MS4A2: variants seen among roughly 807,000 people sequenced by gnomAD.
MS4A2 encodes membrane spanning 4-domains A2.
In MS4A2, 26 loss-of-function variants were observed where a neutral mutation model predicts 27.9. The ratio of observed to expected loss-of-function variants is 0.93; its 90% confidence interval spans 0.68 to 1.29. The LOEUF is 1.29. Ranked by LOEUF, MS4A2 falls within the 50% of genes most tolerant of loss-of-function variation. The pLI, the probability that MS4A2 is intolerant of heterozygous loss-of-function variation, is 0.00. For missense variants in MS4A2, 284 were observed against 284.6 expected (o/e 1.00, Z 0.01); for synonymous variants, 110 against 98.8 (o/e 1.11, Z -0.67).
chr11:60,092,032 T>C (rs1855768151), intron 3 of MS4A2, among the ~76,000 whole-genome samples: 1 of 152,206 alleles, frequency 6.6e-6, no homozygotes, highest in Non-Finnish European at 1.5e-5. Flanking sequence ...TCTGGAAATA[T>C]GCATGCCACA....
At position 60,091,455 on chromosome 11, in the gene MS4A2, C is replaced by A. The variant is rs146547761; in HGVS notation, c.321+985C>A. On this transcript the variant is annotated intron_variant, in intron 3 of 6. Coordinates refer to ENST00000278888, the MANE Select transcript of MS4A2 (RefSeq NM_000139.5). ...ACATAGACACACATGAAAACATCAC[C>A]ACATTAATACAATGTATGTATCCAT... Among the ~76,000 whole-genome samples, 3 of 152,246 alleles carry A rather than the reference C, an allele frequency of 2.0e-5. No individual in the cohort carries two copies. The East Asian group carries it at 5.8e-4, about 29-fold the overall frequency.
intron 6 of MS4A2, among the ~76,000 whole-genome samples, chr11:60,095,023 A>G (rs1347306810): frequency 1.3e-5 from 2 of 152,010 alleles, no homozygotes; most frequent in African/African-American, 4.8e-5. Flanking sequence ...GCACATTGGG[A>G]GGCCAAAGCT....
chr11:60,091,563 T>A (rs1855758606), intron 3 of MS4A2, among the ~76,000 whole-genome samples: 1 of 152,210 alleles, frequency 6.6e-6, no homozygotes, highest in Non-Finnish European at 1.5e-5. Context: ...AAGAAAACAT[T>A]GATCTGCTTT....
rs759071889 is a variant in MS4A2, at chr11:60,088,839, T to C, written c.56+18T>C. 2.2e-5 allele frequency: 36 copies of C among 1,603,174 alleles called. No individual in the cohort carries two copies. Among genetic ancestry groups the C allele is most frequent in the Non-Finnish European group, 3.0e-5 (35 of 1,173,236 alleles). On this transcript the variant is annotated intron_variant, in intron 1 of 6. Coordinates refer to ENST00000278888, the MANE Select transcript of MS4A2 (RefSeq NM_000139.5). ...CCTTCCAGGTAGGTACAAGGTATTATTTTTTTCTACCCTCAGTCACTTAGT... is the reference window on the plus strand; with the variant it reads ...CCTTCCAGGTAGGTACAAGGTATTACTTTTTTCTACCCTCAGTCACTTAGT...
intron 1 of MS4A2, among the ~76,000 whole-genome samples, 159 bp downstream of exon 1, chr11:60,088,980 A>G (rs1822845610): frequency 6.6e-6 from 1 of 152,164 alleles, no homozygotes; most frequent in Non-Finnish European, 1.5e-5. Flanking sequence ...TGTACTTTCC[A>G]TGTGGTTCTC....
At chr11:60,090,156 A>G (rs968644773) in intron 2 of MS4A2, among the ~76,000 whole-genome samples, 180 bp from the exon 3 acceptor site, 2 of 152,204 alleles carry the variant, frequency 1.3e-5, no homozygotes, top group Admixed American at 1.3e-4. Context: ...TGCATTAGGT[A>G]GTGCTTGTAT....
chr11:60,095,855 C>T lies in MS4A2; in HGVS notation c.*199C>T. The T allele has an allele frequency of 1.7e-6, 1 of 585,784 alleles. No individual in the cohort carries two copies. Among genetic ancestry groups the T allele is most frequent in the South Asian group, 2.0e-5 (1 of 50,244 alleles). 36.3% of individuals were successfully genotyped at this position (585,784 alleles called of 1,614,324 possible). A position where few individuals can be genotyped will look rare whatever the true frequency, so the allele number is the denominator to read the frequency against. ...TCCTTCTATTTGTAGATATGATAGA[C>T]TCCTATTTTTCTTGTTTTATATTAT... On this transcript the variant is annotated 3_prime_UTR_variant, in exon 7 of 7. Coordinates refer to ENST00000278888, the MANE Select transcript of MS4A2 (RefSeq NM_000139.5).
At position 60,096,394 on chromosome 11, in the gene MS4A2, G is replaced by C. The variant is rs930112157; in HGVS notation, c.*738G>C. On this transcript the variant is annotated 3_prime_UTR_variant, in exon 7 of 7. Transcript: ENST00000278888. ...GTTTAGTGAAACATTTGTGAAAAAA[G>C]AAGACTAAATTAAGACCTGAGCTGA... The C allele has an allele frequency of 6.6e-6, 1 of 152,092 alleles. No homozygotes were observed. Among genetic ancestry groups the C allele is most frequent in the Non-Finnish European group, 1.5e-5 (1 of 68,010 alleles). The allele number at this position is 152,092 out of a possible 1,614,324, so 9.4% of individuals were successfully genotyped here.
chr11:60,093,669 C>G (rs893329859), intron 5 of MS4A2, 111 bp downstream of exon 5: 36 of 1,414,634 alleles, frequency 2.5e-5, no homozygotes, highest in Non-Finnish European at 3.6e-5. Context: ...TTCTATTACA[C>G]AGTATAGTGG....
At position 60,095,674 on chromosome 11, in the gene MS4A2, C is replaced by A. The variant is rs1388186099; in HGVS notation, c.*18C>A. 17 of 1,519,018 alleles carry A rather than the reference C, an allele frequency of 1.1e-5. No individual in the cohort carries two copies. The Admixed American group carries it at 2.0e-4, about 18-fold the overall frequency. 94.1% of individuals were successfully genotyped at this position (1,519,018 alleles called of 1,614,324 possible). On this transcript the variant is annotated 3_prime_UTR_variant, in exon 7 of 7. Coordinates refer to ENST00000278888, the MANE Select transcript of MS4A2 (RefSeq NM_000139.5). ...ATTTATAAGAATCACGTGTCCAGAA[C>A]ACTCTGATTCACAGCCAAGGATCCA...
Position 60,093,953 on chromosome 11 carries a change from C to A in MS4A2, c.538-11C>A. ...GACTCTTTTTGTTTGTCATTTGTTG[C>A]TGTTCAATAGGAAATTGTAGTGATG... On this transcript the variant is annotated splice_polypyrimidine_tract_variant and intron_variant, in intron 5 of 6. Coordinates refer to ENST00000278888, the MANE Select transcript of MS4A2 (RefSeq NM_000139.5). The A allele has an allele frequency of 1.3e-6, 2 of 1,598,500 alleles. No individual in the cohort carries two copies. The highest frequency in any genetic ancestry group is 8.6e-7 in the Non-Finnish European group (1 of 1,165,888).
At chr11:60,088,632 ATG>A (rs1345565811), upstream of MS4A2, 122 of 1,520,154 alleles carry the variant, frequency 8.0e-5, no homozygotes, top group Non-Finnish European at 1.0e-4. Context: ...CAAATGACTT[ATG>A]TATAAAGAGA....
intron 1 of MS4A2, 102 bp from the exon 2 acceptor site, chr11:60,089,590 G>T (rs1212879916): frequency 1.4e-6 from 2 of 1,463,602 alleles, no homozygotes; most frequent in East Asian, 2.3e-5. Flanking sequence ...ATTACAGGAT[G>T]GCTTTGAAAA....
Position 60,088,710 on chromosome 11 carries a change from A to G in MS4A2, c.-56A>G. On this transcript the variant is annotated 5_prime_UTR_variant, in exon 1 of 7. Transcript: ENST00000278888. ...CAGAGCATGCAGTAAGAGGAAATCC[A>G]CCAAGTCTCAATATAATAATATTCT... 6.3e-7 allele frequency: 1 copy of G among 1,578,900 alleles called. No individual in the cohort carries two copies. The highest frequency in any genetic ancestry group is 1.4e-5 in the African/African-American group (1 of 73,772).
chr11:60,091,817 T>C (rs1020603150), intron 3 of MS4A2, among the ~76,000 whole-genome samples: 1 of 152,204 alleles, frequency 6.6e-6, no homozygotes, highest in Non-Finnish European at 1.5e-5. Flanking sequence ...CTGTTATAAT[T>C]GAAACTTGTC....
chr11:60,092,727 G>C, intron 3 of MS4A2, 65 bp from the exon 4 acceptor site: 1 of 1,431,406 alleles, frequency 7.0e-7, no homozygotes, highest in Non-Finnish European at 9.8e-7. Context: ...TGGAAGATGG[G>C]GTTAAAAAGG....
Position 60,088,731 on chromosome 11 carries a change from AT to A in MS4A2, c.-33del. 2.5e-6 allele frequency: 4 copies of A among 1,598,382 alleles called. No homozygotes were observed. The highest frequency in any genetic ancestry group is 3.4e-6 in the Non-Finnish European group (4 of 1,170,286). ...ATCCACCAAGTCTCAATATAATAAT[AT>A]TCTTTATTCCTGGACAGCTCGGTTA... On this transcript the variant is annotated 5_prime_UTR_variant, in exon 1 of 7. Coordinates refer to ENST00000278888, the MANE Select transcript of MS4A2 (RefSeq NM_000139.5).
chr11:60,094,647 T>C (rs1271447552), intron 6 of MS4A2, among the ~76,000 whole-genome samples: 1 of 152,150 alleles, frequency 6.6e-6, no homozygotes, highest in African/African-American at 2.4e-5. Flanking sequence ...CTAGCCACCT[T>C]TTAAAATCAC....
chr11:60,098,375 G>A lies in MS4A2; in HGVS notation c.*2719G>A, dbSNP rs538282253. The A allele has an allele frequency of 6.6e-6, 1 of 152,266 alleles. No individual in the cohort carries two copies. Among genetic ancestry groups the A allele is most frequent in the African/African-American group, 2.4e-5 (1 of 41,540 alleles). 9.4% of individuals were successfully genotyped at this position (152,266 alleles called of 1,614,324 possible). A position where few individuals can be genotyped will look rare whatever the true frequency, so the allele number is the denominator to read the frequency against. On this transcript the variant is annotated 3_prime_UTR_variant, in exon 7 of 7. Coordinates refer to ENST00000278888, the MANE Select transcript of MS4A2 (RefSeq NM_000139.5). ...CATAACTACTCTATCCCACGATGCA[G>A]TATTGTATCATTAATTATTAGTGTG... is the stretch of plus-strand genomic sequence containing the variant.
Sources: gnomAD v4.1 joint callset for allele counts (sites outside exome capture counted in the v4.1 genomes callset) on GRCh38, gnomAD v4.1.1 for gene constraint, MANE v1.5 for transcripts, NCBI Gene and HGNC (gene_info 2026-07-23, HGNC 2026-07-21) for gene names.